The following SLC4A10 variants were observed in gnomAD, a reference collection of about 807,000 sequenced individuals.
The protein encoded by SLC4A10 is solute carrier family 4 member 10.
In SLC4A10, 42 loss-of-function variants were observed where a neutral mutation model predicts 137.7. That is an observed-to-expected ratio of 0.30 (90% confidence interval 0.24 to 0.39). The LOEUF (loss-of-function observed/expected upper bound fraction) is 0.39, where lower values mean the gene tolerates loss of function less well. SLC4A10 is among the 10% of genes least tolerant of loss of function. The pLI is 1.00. For synonymous variants in SLC4A10, 474 were observed against 464.1 expected (o/e 1.02, Z -0.27); for missense variants, 925 against 1,355.0 (o/e 0.68, Z 4.98).
intron 11 of SLC4A10, among the ~76,000 whole-genome samples, chr2:161,895,675 A>AT (rs1465875969): frequency 2.0e-5 from 3 of 152,086 alleles, no homozygotes; most frequent in African/African-American, 4.8e-5. Context: ...GATGATGAGC[A>AT]TTTTTTCATG....
intron 1 of SLC4A10, among the ~76,000 whole-genome samples, chr2:161,760,099 A>C (rs985433138): frequency 6.6e-6 from 1 of 152,052 alleles, no homozygotes; most frequent in East Asian, 1.9e-4. Context: ...CCTGAATCTG[A>C]GGATTCATGT....
intron 6 of SLC4A10, among the ~76,000 whole-genome samples, chr2:161,865,313 C>T (rs2060674053): frequency 6.6e-6 from 1 of 151,982 alleles, no homozygotes; most frequent in Admixed American, 6.5e-5. Flanking sequence ...CACAAATCTA[C>T]ATATAGTCAC....
chr2:161,861,907 G>A (rs554388666), intron 5 of SLC4A10, among the ~76,000 whole-genome samples: 1 of 152,270 alleles, frequency 6.6e-6, no homozygotes, highest in Non-Finnish European at 1.5e-5. Context: ...GTTGGTAAGG[G>A]AGCATTCTGC....
At chr2:161,803,912 G>A (rs529343791) in intron 2 of SLC4A10, among the ~76,000 whole-genome samples, 1 of 152,156 alleles carries the variant, frequency 6.6e-6, no homozygotes, top group Non-Finnish European at 1.5e-5. Context: ...ATATGCCAGA[G>A]TCGAAACTCT....
At chr2:161,891,867 A>G (rs1302348514) in intron 10 of SLC4A10, among the ~76,000 whole-genome samples, 2 of 151,944 alleles carry the variant, frequency 1.3e-5, no homozygotes, top group African/African-American at 4.8e-5. Context: ...CCTTTGGAGG[A>G]GAAGCAGCAT....
rs540054412 is a variant in SLC4A10, at chr2:161,916,819, C to T, written c.1997+10932C>T. Among the ~76,000 whole-genome samples, 20 of 152,276 alleles carry T rather than the reference C, an allele frequency of 1.3e-4. No individual in the cohort carries two copies. The Middle Eastern group carries it at 0.01, about 78-fold the overall frequency. ...TTCACTTCCTTCAAAATCACCTACT[C>T]GAGAACTTTCTGTGAAATGTTCAAC... is the stretch of plus-strand genomic sequence containing the variant. On this transcript the variant is annotated intron_variant, in intron 15 of 26. Transcript: ENST00000446997.
chr2:161,854,835 C>T, intron 4 of SLC4A10, 135 bp from the exon 5 acceptor site: 1 of 781,924 alleles, frequency 1.3e-6, no homozygotes, highest in Non-Finnish European at 1.8e-6. Context: ...CTTAGACTAG[C>T]TTTTATATAC....
intron 2 of SLC4A10, among the ~76,000 whole-genome samples, chr2:161,799,137 A>G (rs1465107508): frequency 6.6e-6 from 1 of 151,672 alleles, no homozygotes; most frequent in African/African-American, 2.4e-5. Flanking sequence ...TTTTTGCATT[A>G]CATAAAGTTA....
intron 4 of SLC4A10, among the ~76,000 whole-genome samples, chr2:161,845,075 C>A (rs900198083): frequency 1.3e-5 from 2 of 152,018 alleles, no homozygotes; most frequent in African/African-American, 4.8e-5. Context: ...AATTGCAGCA[C>A]TTTAGGTCAT....
chr2:161,822,980 A>G (rs557802219), intron 3 of SLC4A10, among the ~76,000 whole-genome samples: 1 of 152,292 alleles, frequency 6.6e-6, no homozygotes, highest in Admixed American at 6.5e-5. Context: ...CTCAAAAAAA[A>G]TTATGTGTAT....
At chr2:161,934,738 T>C (rs1691263111) in intron 15 of SLC4A10, among the ~76,000 whole-genome samples, 1 of 152,176 alleles carries the variant, frequency 6.6e-6, no homozygotes, top group Admixed American at 6.5e-5. Context: ...TATTTGTATG[T>C]CTTCTTTTGA....
chr2:161,892,145 C>G (rs1227709763), intron 10 of SLC4A10, among the ~76,000 whole-genome samples: 6 of 152,004 alleles, frequency 3.9e-5, no homozygotes, highest in Non-Finnish European at 8.8e-5. Context: ...TTTAAAATAA[C>G]AGGAAATCTG....
At chr2:161,757,933 A>G (rs1359798325) in intron 1 of SLC4A10, among the ~76,000 whole-genome samples, 1 of 152,066 alleles carries the variant, frequency 6.6e-6, no homozygotes, top group Non-Finnish European at 1.5e-5. Context: ...TGTGAAGAGA[A>G]TAAATAATGT....
At chr2:161,690,891 C>T in intron 1 of SLC4A10, among the ~76,000 whole-genome samples, 1 of 152,002 alleles carries the variant, frequency 6.6e-6, no homozygotes, top group East Asian at 1.9e-4. Flanking sequence ...CCTTGGCACC[C>T]ATTTACCTGT....
At chr2:161,838,169 T>C (rs192375888) in intron 3 of SLC4A10, among the ~76,000 whole-genome samples, 11 of 152,352 alleles carry the variant, frequency 7.2e-5, no homozygotes, top group African/African-American at 2.4e-4. Context: ...TATAACTAAT[T>C]GATTTTTGAA....
At chr2:161,894,017 T>C (rs1257939264) in intron 10 of SLC4A10, among the ~76,000 whole-genome samples, 1 of 151,998 alleles carries the variant, frequency 6.6e-6, no homozygotes, top group African/African-American at 2.4e-5. Flanking sequence ...TTTTGCACCA[T>C]CATAAAGTCA....
In SLC4A10 at chr2:161,656,399, C is replaced by T. The variant is rs547251951; in HGVS notation, c.48+31833C>T. ...AGTATTAAGTAGTGAATGAATTGTT[C>T]ACTGTATATAAAAATTGGCAATTTA... On this transcript the variant is annotated intron_variant, in intron 1 of 26. Coordinates refer to ENST00000446997, the MANE Select transcript of SLC4A10 (RefSeq NM_001178015.2). Among the ~76,000 whole-genome samples, 6 of 152,076 alleles carry T rather than the reference C, an allele frequency of 3.9e-5. No individual in the cohort carries two copies. The South Asian group carries it at 8.3e-4, about 21-fold the overall frequency.
intron 1 of SLC4A10, among the ~76,000 whole-genome samples, chr2:161,717,199 T>A (rs548434549): frequency 8.7e-4 from 133 of 152,180 alleles, no homozygotes; most frequent in Non-Finnish European, 1.6e-3. Flanking sequence ...GCTTTTGGGC[T>A]GAGATGATGG....
At chr2:161,954,235 T>C (rs534262493) in intron 19 of SLC4A10, among the ~76,000 whole-genome samples, 1 of 152,318 alleles carries the variant, frequency 6.6e-6, no homozygotes, top group Admixed American at 6.5e-5. Context: ...TAGTCTTTTA[T>C]GTGGTTAACT....
Sources: gnomAD v4.1 joint callset for allele counts (sites outside exome capture counted in the v4.1 genomes callset) on GRCh38, gnomAD v4.1.1 for gene constraint, MANE v1.5 for transcripts, NCBI Gene and HGNC (gene_info 2026-07-23, HGNC 2026-07-21) for gene names.